FTCDNL1: variants seen among roughly 807,000 people sequenced by gnomAD.
The protein encoded by FTCDNL1 is formiminotransferase N-terminal subdomain-containing protein.
In FTCDNL1, 11 loss-of-function variants were observed where a neutral mutation model predicts 5.9. The ratio of observed to expected loss-of-function variants is 1.87; its 90% confidence interval spans 1.18 to 3.10. The LOEUF (loss-of-function observed/expected upper bound fraction) is 3.10. FTCDNL1 is among the 30% of genes most tolerant of loss of function. The pLI is 0.00. For missense variants in FTCDNL1, 115 were observed against 65.5 expected, an observed-to-expected ratio of 1.76 and a Z score of -2.61; for synonymous variants, 58 against 24.8, an observed-to-expected ratio of 2.34 and a Z score of -3.99.
chr2:199,709,324 A>T, the FTCDNL1 span, among the ~76,000 whole-genome samples: 1 of 152,088 alleles, frequency 6.6e-6, no homozygotes, highest in Non-Finnish European at 1.5e-5. Flanking sequence ...AACTTATTAC[A>T]TTGTATGGGG....
chr2:199,770,225 G>A (rs759898047), intron 3 of FTCDNL1, among the ~76,000 whole-genome samples: 1 of 152,144 alleles, frequency 6.6e-6, no homozygotes, highest in African/African-American at 2.4e-5. Context: ...ACTCCTTAGC[G>A]ATCACACCTT....
chr2:199,816,646 CTCTGCCTAAAACTCTCCTCCACA>C (rs1420022281), intron 4 of FTCDNL1, among the ~76,000 whole-genome samples: 32 of 152,284 alleles, frequency 2.1e-4, no homozygotes, highest in African/African-American at 6.3e-4. Flanking sequence ...TGGCTATTCC[CTCTGCCTAAAACTCTCCTCCACA>C]TCTCCACGTG....
At chr2:199,812,992 T>C (rs920204212) in intron 4 of FTCDNL1, among the ~76,000 whole-genome samples, 1 of 152,234 alleles carries the variant, frequency 6.6e-6, no homozygotes, top group Non-Finnish European at 1.5e-5. Flanking sequence ...TGAGACCTTA[T>C]GGTGAACTGA....
chr2:199,710,101 T>C, the FTCDNL1 span, among the ~76,000 whole-genome samples: 14 of 152,312 alleles, frequency 9.2e-5, no homozygotes, highest in East Asian at 2.7e-3. Flanking sequence ...AAGTGCATGT[T>C]CCTAGCTGAG....
At chr2:199,684,463 T>TAC in the FTCDNL1 span, among the ~76,000 whole-genome samples, 1 of 152,178 alleles carries the variant, frequency 6.6e-6, no homozygotes, top group Non-Finnish European at 1.5e-5. Flanking sequence ...AAATAAATTA[T>TAC]ACACACACAT....
chr2:199,731,386 C>T, the FTCDNL1 span, among the ~76,000 whole-genome samples: 4,154 of 152,222 alleles, frequency 0.027, 186 homozygotes, highest in African/African-American at 0.095. Context: ...AAATGGCATA[C>T]TTCAATGACC....
the FTCDNL1 span, among the ~76,000 whole-genome samples, chr2:199,664,433 AAT>A: frequency 6.6e-6 from 1 of 152,200 alleles, no homozygotes; most frequent in Non-Finnish European, 1.5e-5. Context: ...TCCTGAATTA[AAT>A]ATGTGTTCAG....
At chr2:199,672,151 A>G in the FTCDNL1 span, among the ~76,000 whole-genome samples, 13 of 152,096 alleles carry the variant, frequency 8.5e-5, no homozygotes, top group Non-Finnish European at 1.2e-4. Context: ...TTCCATAGCT[A>G]CCTGGTACCC....
chr2:199,837,784 G>T (rs1194232360), intron 3 of FTCDNL1, among the ~76,000 whole-genome samples: 1 of 152,110 alleles, frequency 6.6e-6, no homozygotes, highest in Admixed American at 6.5e-5. Flanking sequence ...CTTTATTCAT[G>T]TAGCTTATAT....
rs974460785 is a variant in FTCDNL1, at chr2:199,811,266, T to C, written c.*1439A>G. Among the ~76,000 whole-genome samples the C allele has an allele frequency of 1.3e-5, 2 of 152,252 alleles. No individual in the cohort carries two copies. The highest frequency in any genetic ancestry group is 2.4e-5 in the African/African-American group (1 of 41,466). ...ATTGCACAGAGTATAATTGGAATTT[T>C]TGTCAATCTTAATGTTGCCACTCTT... On this transcript the variant is annotated 3_prime_UTR_variant, in exon 5 of 5. Transcript: ENST00000420128.
intron 3 of FTCDNL1, among the ~76,000 whole-genome samples, chr2:199,793,846 C>G (rs1700050572): frequency 6.6e-6 from 1 of 152,152 alleles, no homozygotes; most frequent in Non-Finnish European, 1.5e-5. Context: ...CTTTCCAGAG[C>G]TATTATTTTA....
At chr2:199,718,914 G>T in the FTCDNL1 span, among the ~76,000 whole-genome samples, 1 of 151,572 alleles carries the variant, frequency 6.6e-6, no homozygotes, top group African/African-American at 2.4e-5. Flanking sequence ...TTCTTCTTGA[G>T]TTGTTTAAGT....
At chr2:199,825,506 G>A (rs982811327) in intron 3 of FTCDNL1, among the ~76,000 whole-genome samples, 1 of 152,228 alleles carries the variant, frequency 6.6e-6, no homozygotes. Flanking sequence ...CAGTGTTGGA[G>A]GTGGGGCCTA....
chr2:199,751,397 G>A, the FTCDNL1 span, among the ~76,000 whole-genome samples: 1 of 152,160 alleles, frequency 6.6e-6, no homozygotes, highest in African/African-American at 2.4e-5. Flanking sequence ...AAGAGAAGAG[G>A]ACAAGACATG....
At chr2:199,705,646 T>C in the FTCDNL1 span, among the ~76,000 whole-genome samples, 2 of 152,224 alleles carry the variant, frequency 1.3e-5, no homozygotes. Context: ...ACAGTGTACT[T>C]ACTGCCTTGT....
At chr2:199,750,467 CA>C in the FTCDNL1 span, among the ~76,000 whole-genome samples, 2 of 152,212 alleles carry the variant, frequency 1.3e-5, no homozygotes, top group African/African-American at 4.8e-5. Flanking sequence ...CACACCAAGT[CA>C]GGGGGGAAAA....
At chr2:199,752,660 C>T in the FTCDNL1 span, among the ~76,000 whole-genome samples, 1 of 151,724 alleles carries the variant, frequency 6.6e-6, no homozygotes, top group Non-Finnish European at 1.5e-5. Context: ...ATCACATAAG[C>T]CAATTCCTTA....
intron 3 of FTCDNL1, among the ~76,000 whole-genome samples, chr2:199,773,798 T>C (rs1443013882): frequency 2.0e-5 from 3 of 152,218 alleles, no homozygotes; most frequent in Non-Finnish European, 4.4e-5. Context: ...CTTTTCATTA[T>C]GATAATTGCA....
At chr2:199,764,313 G>A (rs573883874) in intron 3 of FTCDNL1, among the ~76,000 whole-genome samples, 20 of 152,146 alleles carry the variant, frequency 1.3e-4, no homozygotes, top group Admixed American at 3.3e-4. Flanking sequence ...CCATTCTGCC[G>A]ATGAAAAAAA....
Sources: allele counts gnomAD v4.1 joint callset (sites outside exome capture counted in the v4.1 genomes callset), GRCh38; gene constraint gnomAD v4.1.1; transcripts MANE v1.5; gene names NCBI Gene and HGNC (gene_info 2026-07-23, HGNC 2026-07-21).